The following CACNA1B variants were observed in gnomAD, a reference collection of about 807,000 sequenced individuals.
CACNA1B encodes calcium voltage-gated channel subunit alpha1 B.
Under a neutral mutation model 247.2 loss-of-function variants are expected in CACNA1B, and 70 were observed. The observed-to-expected ratio is 0.28, with a 90% confidence interval of 0.23 to 0.35. CACNA1B has a LOEUF of 0.35. Ranked by LOEUF, CACNA1B falls within the 10% of genes least tolerant of loss-of-function variation. CACNA1B has a pLI of 1.00. For missense variants in CACNA1B, 2,367 were observed against 3,197.4 expected (o/e 0.74, Z 6.26); for synonymous variants, 1,231 against 1,294.4 (o/e 0.95, Z 1.05).
intron 3 of CACNA1B, among the ~76,000 whole-genome samples, chr9:137,906,767 CTTT>C (rs985933052): frequency 6.6e-6 from 1 of 151,302 alleles, no homozygotes; most frequent in Non-Finnish European, 1.5e-5. Context: ...TGTGTGATGT[CTTT>C]TTTAACATAT....
rs527716182 is a variant in CACNA1B at position 138,054,584 on chromosome 9, C to T, written c.3968+578C>T. Among the ~76,000 whole-genome samples, 7 of 152,374 alleles carry T rather than the reference C, an allele frequency of 4.6e-5. No homozygotes were observed. The highest frequency in any genetic ancestry group is 1.0e-4 in the Non-Finnish European group (7 of 68,038). Reference sequence around the variant, plus strand: ...CTTCTGTGTGAATATCATGCAGCTTCCTCCTGTGCCGTGTGACTGATGGGC... The same window carrying T: ...CTTCTGTGTGAATATCATGCAGCTTTCTCCTGTGCCGTGTGACTGATGGGC... On this transcript the variant is annotated intron_variant, in intron 26 of 46. Coordinates refer to ENST00000371372, the MANE Select transcript of CACNA1B (RefSeq NM_000718.4). The surrounding 1 kb of genome is among the most constrained non-coding windows in gnomAD (Gnocchi z 4.6).
At chr9:137,903,454 T>G (rs1957262877) in intron 3 of CACNA1B, among the ~76,000 whole-genome samples, 1 of 152,158 alleles carries the variant, frequency 6.6e-6, no homozygotes, top group South Asian at 2.1e-4. Context: ...GCATCAGTGG[T>G]CTCTCTCTGT....
chr9:138,064,758 T>G (rs1297840808), intron 31 of CACNA1B, among the ~76,000 whole-genome samples: 1 of 152,204 alleles, frequency 6.6e-6, no homozygotes, highest in Non-Finnish European at 1.5e-5. Flanking sequence ...CTCATGTGAT[T>G]GTGTGCTGCC....
chr9:138,061,422 C>T (rs1253381945), intron 31 of CACNA1B, among the ~76,000 whole-genome samples: 2 of 152,144 alleles, frequency 1.3e-5, no homozygotes, highest in Non-Finnish European at 2.9e-5. Flanking sequence ...TCACCATTTC[C>T]TCCATCCATA....
intron 10 of CACNA1B, among the ~76,000 whole-genome samples, chr9:137,970,706 T>A (rs1958135931): frequency 6.6e-6 from 1 of 152,044 alleles, no homozygotes; most frequent in African/African-American, 2.4e-5. Flanking sequence ...CATTTCACAC[T>A]TGGGATATTG....
At chr9:137,896,904 G>A (rs1178263619) in intron 3 of CACNA1B, among the ~76,000 whole-genome samples, 1 of 152,202 alleles carries the variant, frequency 6.6e-6, no homozygotes, top group Admixed American at 6.5e-5. Context: ...GAATTTATGT[G>A]TGTAGAGTTG....
At position 137,879,049 on chromosome 9, in the gene CACNA1B, C is replaced by T. The variant is rs754360706; in HGVS notation, c.285-5C>T. ...CGTCTGCCGGCCAGTCCTTAACTCA[C>T]GCACTCCATTCGAGTATATGATCCT... On this transcript the variant is annotated splice_polypyrimidine_tract_variant and splice_region_variant and intron_variant, in intron 1 of 46. Coordinates refer to ENST00000371372, the MANE Select transcript of CACNA1B (RefSeq NM_000718.4). The T allele has an allele frequency of 5.4e-5, 87 of 1,600,884 alleles. No homozygotes were observed. The East Asian group carries it at 1.1e-3, about 20-fold the overall frequency.
intron 36 of CACNA1B, among the ~76,000 whole-genome samples, chr9:138,092,889 C>T (rs900708205): frequency 6.6e-6 from 1 of 152,206 alleles, no homozygotes; most frequent in African/African-American, 2.4e-5. Context: ...CAAGCTCCTG[C>T]ACAGCCAGTG....
Position 137,996,891 on chromosome 9 carries a change from A to AACACAG in CACNA1B, c.1975-9875_1975-9874insCACAGA, listed in dbSNP as rs1230956834. Reference sequence around the variant, plus strand: ...AAGAAAAATACAGATCACTTCTGCAAATACAGATCACTTCTGCAAACACAG... The same window carrying AACACAG: ...AAGAAAAATACAGATCACTTCTGCAAACACAGATACAGATCACTTCTGCAAACACAG... On this transcript the variant is annotated intron_variant, in intron 15 of 46. Transcript: ENST00000371372. 3.9e-3 allele frequency among the ~76,000 whole-genome samples: 598 copies of AACACAG among 152,354 alleles called. 2 individuals carry two copies. The highest frequency in any genetic ancestry group is 0.014 in the African/African-American group (567 of 41,576).
At chr9:137,903,554 C>A (rs1957264009) in intron 3 of CACNA1B, among the ~76,000 whole-genome samples, 5 of 152,166 alleles carry the variant, frequency 3.3e-5, no homozygotes, top group African/African-American at 1.2e-4. Flanking sequence ...TTCTTTGAAT[C>A]ATTTTTTAAC....
rs753837922 is a variant in CACNA1B at position 138,023,223 on chromosome 9, G to A, written c.2480G>A (p.Arg827Gln). The part of the protein sequence containing the change: ...LVVELGRDGA[R>Q]GPVGGKARPE... ...GTGGAGCTGGGCCGCGACGGCGCGC[G>A]GGGGCCCGTGGGAGGCAAAGCCCGA... Residue 827 changes from arginine to glutamine, a missense_variant, in exon 19 of 47, where the codon CGG becomes CAG. Physicochemically the swap from Arg to Gln is conservative, Grantham distance 43. This residue lies in a region of CACNA1B where 631 missense variants were observed against 631.1 expected (regional missense o/e 1.00). Coordinates refer to ENST00000371372, the MANE Select transcript of CACNA1B (RefSeq NM_000718.4). The A allele has an allele frequency of 5.3e-6, 8 of 1,510,054 alleles. No homozygotes were observed. The South Asian group carries it at 7.5e-5, about 14-fold the overall frequency. The allele number at this position is 1,510,054 out of a possible 1,614,324, so 93.5% of individuals were successfully genotyped here.
chr9:137,992,439 A>G (rs567819076), intron 15 of CACNA1B, among the ~76,000 whole-genome samples: 7 of 152,360 alleles, frequency 4.6e-5, no homozygotes, highest in Non-Finnish European at 1.0e-4. Context: ...AATTTATAAA[A>G]CAATTACTAC....
In CACNA1B at chr9:138,006,721, G is replaced by T. The variant is rs148289826; in HGVS notation, c.1975-46G>T. 2.4e-3 allele frequency: 2,605 copies of T among 1,081,760 alleles called. 45 individuals are homozygous for T. In the African/African-American group the frequency reaches 0.036, roughly 15 times the overall value. The allele number at this position is 1,081,760 out of a possible 1,614,324, so 67.0% of individuals were successfully genotyped here. Reference sequence around the variant, plus strand: ...GTGGGTGGGGGTGCGTGTGTGTGGGGAAGGCGGCCATGGGGGCTTGCCCTG... The same window carrying T: ...GTGGGTGGGGGTGCGTGTGTGTGGGTAAGGCGGCCATGGGGGCTTGCCCTG... On this transcript the variant is annotated intron_variant, in intron 15 of 46. Transcript: ENST00000371372.
rs778197150 is a variant in CACNA1B at position 138,025,067 on chromosome 9, C to A, written c.3181C>A (p.Gln1061Lys). 1 of 1,612,758 alleles carries A rather than the reference C, an allele frequency of 6.2e-7. No individual in the cohort carries two copies. Among genetic ancestry groups the A allele is most frequent in the South Asian group, 1.1e-5 (1 of 90,672 alleles). The change falls in exon 20 of 47, where the codon CAG becomes AAG. Residue 1061 changes from glutamine to lysine, a missense_variant. Physicochemically the swap from Gln to Lys is moderately conservative, Grantham distance 53. This residue lies in a region of CACNA1B where 631 missense variants were observed against 631.1 expected (regional missense o/e 1.00). Transcript: ENST00000371372. ...VEEQPEDADNQRNVTRMGSQP... is the reference protein window; with the variant it reads ...VEEQPEDADNKRNVTRMGSQP... ...GGAACAGCCAGAGGATGCAGACAATCAGCGGAACGTCACTCGCATGGGCAG... is the reference window on the plus strand; with the variant it reads ...GGAACAGCCAGAGGATGCAGACAATAAGCGGAACGTCACTCGCATGGGCAG...
rs527308778 is a variant in CACNA1B, at chr9:138,059,253, C to T, written c.4584+64C>T. 20 of 931,502 alleles carry T rather than the reference C, an allele frequency of 2.1e-5. No individual in the cohort carries two copies. The highest frequency in any genetic ancestry group is 8.1e-5 in the African/African-American group (5 of 61,826). The allele number at this position is 931,502 out of a possible 1,614,324, so 57.7% of individuals were successfully genotyped here. ...ATATTCTGGTTCCCCATCTGTAGGG[C>T]GACCTTTGGGGGCTCACAATTTGGA... On this transcript the variant is annotated intron_variant, in intron 30 of 46. Transcript: ENST00000371372. This position sits in a 1 kb window ranked among gnomAD's most constrained non-coding sequence, Gnocchi z 4.2.
intron 26 of CACNA1B, among the ~76,000 whole-genome samples, chr9:138,055,451 G>A (rs1031607707): frequency 2.0e-5 from 3 of 152,078 alleles, no homozygotes; most frequent in African/African-American, 7.2e-5. Context: ...TTTTAATAGA[G>A]TCCAACTGAT....
At chr9:138,074,119 G>A (rs1359391865) in intron 34 of CACNA1B, 53 bp downstream of exon 34, 3 of 1,219,680 alleles carry the variant, frequency 2.5e-6, no homozygotes, top group Non-Finnish European at 1.2e-6. Flanking sequence ...GTGCCCTGGA[G>A]CAGAGGGGCA....
chr9:137,942,207 C>CAAT (rs1355875159), intron 6 of CACNA1B, among the ~76,000 whole-genome samples: 1 of 152,000 alleles, frequency 6.6e-6, no homozygotes, highest in African/African-American at 2.4e-5. Flanking sequence ...TACAAATGGC[C>CAAT]AACAAACATG....
At chr9:138,115,803 G>A in intron 42 of CACNA1B, 124 bp downstream of exon 42, 1 of 1,007,626 alleles carries the variant, frequency 9.9e-7, no homozygotes, top group Non-Finnish European at 1.4e-6. Flanking sequence ...GGGTTCACCA[G>A]CTTGGAGGCA....
Sources: gnomAD v4.1 joint callset for allele counts (sites outside exome capture counted in the v4.1 genomes callset) on GRCh38, gnomAD v4.1.1 for gene constraint, gnomAD v4.1.1 regional missense constraint, Gnocchi (gnomAD v3.1) non-coding constraint, MANE v1.5 for transcripts, NCBI Gene and HGNC (gene_info 2026-07-23, HGNC 2026-07-21) for gene names.